ARHGAP32: variants seen among roughly 807,000 people sequenced by gnomAD.
The protein encoded by ARHGAP32 is Rho GTPase activating protein 32, also known as rho GTPase-activating protein 32.
Under a neutral mutation model 186.5 loss-of-function variants are expected in ARHGAP32, and 51 were observed. The ratio of observed to expected loss-of-function variants is 0.27; its 90% CI spans 0.22 to 0.35. The LOEUF (loss-of-function observed/expected upper bound fraction) is 0.35, where lower values mean the gene tolerates loss of function less well. Ranked by LOEUF, ARHGAP32 falls within the 10% of genes least tolerant of loss-of-function variation. The probability of loss-of-function intolerance (pLI) is 1.00; values close to 1 mark genes in which losing one functional copy is unlikely to be tolerated. For synonymous variants in ARHGAP32, 950 were observed against 964.3 expected, an observed-to-expected ratio of 0.99 and a Z score of 0.27; for missense variants, 2,186 against 2,623.5, an observed-to-expected ratio of 0.83 and a Z score of 3.64.
At chr11:129,154,870 A>C (rs1460890874) in intron 2 of ARHGAP32, among the ~76,000 whole-genome samples, 1 of 150,032 alleles carries the variant, frequency 6.7e-6, no homozygotes, top group African/African-American at 2.4e-5. Flanking sequence ...TGTTCCCCAA[A>C]AACTACTGAA....
chr11:129,219,491 C>T (rs1171750484), intron 1 of ARHGAP32, among the ~76,000 whole-genome samples: 1 of 152,124 alleles, frequency 6.6e-6, no homozygotes, highest in African/African-American at 2.4e-5. Context: ...TTGGCTGTTT[C>T]TGAGATCTGT....
chr11:129,044,921 A>G (rs1939746808), intron 10 of ARHGAP32, among the ~76,000 whole-genome samples: 2 of 152,136 alleles, frequency 1.3e-5, no homozygotes, highest in African/African-American at 4.8e-5. Flanking sequence ...CACTTCCCAC[A>G]AAGACTGAAC....
chr11:129,191,003 C>A (rs1413846164), intron 1 of ARHGAP32, among the ~76,000 whole-genome samples: 1 of 152,038 alleles, frequency 6.6e-6, no homozygotes, highest in Admixed American at 6.6e-5. Flanking sequence ...TTTATTTGAA[C>A]CCCAGAGTAA....
chr11:128,984,705 A>G (rs891066400), intron 15 of ARHGAP32, among the ~76,000 whole-genome samples: 2 of 152,168 alleles, frequency 1.3e-5, no homozygotes, highest in African/African-American at 2.4e-5. Context: ...TAGGGCATAC[A>G]TGGTAAGTAA....
intron 2 of ARHGAP32, among the ~76,000 whole-genome samples, chr11:129,147,055 T>C (rs957300437): frequency 1.3e-5 from 2 of 152,062 alleles, no homozygotes; most frequent in Non-Finnish European, 2.9e-5. Context: ...CTAATCTCAT[T>C]TATACTGTTT....
intron 2 of ARHGAP32, among the ~76,000 whole-genome samples, chr11:129,143,089 A>ATATATATAT (rs66832335): frequency 8.9e-5 from 13 of 145,680 alleles, no homozygotes; most frequent in South Asian, 2.2e-4. Context: ...ATATATATAT[A>ATATATATAT]ATCAACTGAA....
chr11:129,000,736 C>T (rs1440125153), intron 11 of ARHGAP32, among the ~76,000 whole-genome samples: 1 of 151,938 alleles, frequency 6.6e-6, no homozygotes, highest in Non-Finnish European at 1.5e-5. Flanking sequence ...ATTTTTTGTA[C>T]CCATTAACCA....
chr11:129,055,431 G>C (rs1940212142), intron 10 of ARHGAP32, among the ~76,000 whole-genome samples: 1 of 152,008 alleles, frequency 6.6e-6, no homozygotes, highest in South Asian at 2.1e-4. Flanking sequence ...GATATTCCTT[G>C]GTATTTACTC....
intron 1 of ARHGAP32, among the ~76,000 whole-genome samples, chr11:129,235,809 CTATT>C (rs940371058): frequency 2.6e-5 from 4 of 151,774 alleles, no homozygotes; most frequent in African/African-American, 9.7e-5. Flanking sequence ...AGAATATAGG[CTATT>C]TAGTTTTCCA....
chr11:129,197,265 C>T (rs1944404485), upstream of ARHGAP32, among the ~76,000 whole-genome samples: 1 of 152,056 alleles, frequency 6.6e-6, no homozygotes, highest in African/African-American at 2.4e-5. Context: ...ATTCTATATC[C>T]AATACCCGTT....
In ARHGAP32 at chr11:129,064,931, C is replaced by G. The variant is rs749443850; in HGVS notation, c.672G>C (p.Ser224=). ...GGTAAGCCATAAGCATCTGAGTGAC[C>G]GACTGAAAAGAAAAAGATCAGTGTA... is the stretch of plus-strand genomic sequence containing the variant. ...RSDTLKDSPE[S]VTQMLMAYLS... The change falls in exon 8 of 23, where the codon TCG becomes TCC. Residue 224 remains serine (S), a splice_region_variant and synonymous_variant. Transcript: ENST00000682385. 2 of 1,581,948 alleles carry G rather than the reference C, an allele frequency of 1.3e-6. No individual in the cohort carries two copies. The highest frequency in any genetic ancestry group is 3.6e-5 in the Admixed American group (2 of 55,706).
At chr11:129,042,446 A>G (rs960125069) in intron 10 of ARHGAP32, among the ~76,000 whole-genome samples, 3 of 152,220 alleles carry the variant, frequency 2.0e-5, no homozygotes, top group Non-Finnish European at 4.4e-5. Context: ...TACTGGTGAA[A>G]TTCTTTAATA....
intron 5 of ARHGAP32, among the ~76,000 whole-genome samples, chr11:129,101,791 C>G (rs1055248004): frequency 2.0e-5 from 3 of 152,172 alleles, no homozygotes; most frequent in Non-Finnish European, 4.4e-5. Flanking sequence ...TTCAGGATAT[C>G]ATCCATGAGA....
intron 10 of ARHGAP32, among the ~76,000 whole-genome samples, chr11:129,041,901 GA>G (rs562022226): frequency 1.1e-4 from 16 of 152,324 alleles, no homozygotes; most frequent in African/African-American, 3.8e-4. Flanking sequence ...GCTGAAATAT[GA>G]AAGCTCCATC....
chr11:129,078,781 C>G (rs1422659051), intron 6 of ARHGAP32, among the ~76,000 whole-genome samples: 1 of 152,126 alleles, frequency 6.6e-6, no homozygotes, highest in African/African-American at 2.4e-5. Context: ...GCGTGAGCCA[C>G]CGTACCCGGC....
In ARHGAP32 at chr11:129,057,388, A is replaced by G. The variant is rs375971287; in HGVS notation, c.963+4892T>C. Reference sequence around the variant, plus strand: ...CTGTTCCCCACCAAGTCTATGTAAGAGAGTCCCTCAGGTGCCTTCAGGCCA... The same window carrying G: ...CTGTTCCCCACCAAGTCTATGTAAGGGAGTCCCTCAGGTGCCTTCAGGCCA... On this transcript the variant is annotated intron_variant, in intron 10 of 22. Transcript: ENST00000682385. Among the ~76,000 whole-genome samples the G allele has an allele frequency of 4.7e-4, 72 of 152,216 alleles. No individual in the cohort carries two copies. The South Asian group carries it at 6.9e-3, about 14-fold the overall frequency.
At chr11:129,044,887 C>CA (rs767398459) in intron 10 of ARHGAP32, among the ~76,000 whole-genome samples, 2,004 of 125,224 alleles carry the variant, frequency 0.016, 38 homozygotes, top group African/African-American at 0.051. Flanking sequence ...TATCTTTTGG[C>CA]AAAAAAAAAA....
chr11:128,978,991 T>A, intron 18 of ARHGAP32, 76 bp from the exon 19 acceptor site: 1 of 1,372,488 alleles, frequency 7.3e-7, no homozygotes, highest in Non-Finnish European at 9.8e-7. Context: ...AATGAACACA[T>A]GACAGAAAGA....
intron 5 of ARHGAP32, among the ~76,000 whole-genome samples, chr11:129,094,251 G>C (rs1182287573): frequency 1.3e-5 from 2 of 152,112 alleles, no homozygotes; most frequent in Non-Finnish European, 2.9e-5. Flanking sequence ...GTAACACAAA[G>C]GATAAATGCT....
Sources: allele counts gnomAD v4.1 joint callset (sites outside exome capture counted in the v4.1 genomes callset), GRCh38; gene constraint gnomAD v4.1.1; transcripts MANE v1.5; gene names NCBI Gene and HGNC (gene_info 2026-07-23, HGNC 2026-07-21).